TOX: variants seen among roughly 807,000 people sequenced by gnomAD.
The protein encoded by TOX is thymocyte selection associated high mobility group box.
TOX carries 11 observed loss-of-function variants against 53.7 expected under a neutral mutation model. The ratio of observed to expected loss-of-function variants is 0.20; its 90% confidence interval spans 0.13 to 0.34. The LOEUF is 0.34. Ranked by LOEUF, TOX falls within the 10% of genes least tolerant of loss-of-function variation. The pLI is 1.00. For synonymous variants in TOX, 225 were observed against 245.3 expected (o/e 0.92, Z 0.77); for missense variants, 570 against 664.6 (o/e 0.86, Z 1.56).
intron 1 of TOX, among the ~76,000 whole-genome samples, chr8:58,970,885 A>C (rs1216716702): frequency 6.6e-6 from 1 of 152,206 alleles, no homozygotes; most frequent in African/African-American, 2.4e-5. Flanking sequence ...TTCATTTCTA[A>C]ATCAAAGTCT....
Position 58,912,736 on chromosome 8 carries a change from T to A in TOX, c.411+26566A>T, listed in dbSNP as rs760468055. Among the ~76,000 whole-genome samples the A allele has an allele frequency of 4.1e-4, 63 of 152,176 alleles. 1 individual carries two copies. Among genetic ancestry groups the A allele is most frequent in the Non-Finnish European group, 8.5e-4 (58 of 68,024 alleles). Reference sequence around the variant, plus strand: ...TCTAGACCCAGTGGTGCACATGGCATGGGAATACATCACTTCTCTCTGACT... The same window carrying A: ...TCTAGACCCAGTGGTGCACATGGCAAGGGAATACATCACTTCTCTCTGACT... On this transcript the variant is annotated intron_variant, in intron 3 of 8. Transcript: ENST00000361421.
At chr8:58,853,985 C>G (rs1810868554) in intron 3 of TOX, among the ~76,000 whole-genome samples, 1 of 152,188 alleles carries the variant, frequency 6.6e-6, no homozygotes, top group African/African-American at 2.4e-5. Context: ...AGACCCTTAG[C>G]ATGCAGAAAA....
chr8:58,889,418 G>T (rs1275682750), intron 3 of TOX, among the ~76,000 whole-genome samples: 1 of 151,934 alleles, frequency 6.6e-6, no homozygotes, highest in East Asian at 1.9e-4. Context: ...AAAAAGTCAG[G>T]GTTAGGGGAG....
At chr8:58,869,316 C>T (rs1811159258) in intron 3 of TOX, among the ~76,000 whole-genome samples, 1 of 151,708 alleles carries the variant, frequency 6.6e-6, no homozygotes, top group South Asian at 2.1e-4. Context: ...GGAACAATTC[C>T]TTAAAATTCA....
At chr8:58,861,790 C>T (rs1290643816) in intron 3 of TOX, among the ~76,000 whole-genome samples, 1 of 152,128 alleles carries the variant, frequency 6.6e-6, no homozygotes, top group African/African-American at 2.4e-5. Flanking sequence ...GTTGCTTTCT[C>T]ATATTTTTCC....
intron 1 of TOX, among the ~76,000 whole-genome samples, chr8:59,116,411 C>T (rs1563451541): frequency 6.6e-6 from 1 of 152,170 alleles, no homozygotes; most frequent in Non-Finnish European, 1.5e-5. Context: ...AACTTCTGTC[C>T]TTCTTCCATT....
At chr8:58,866,603 A>C (rs1447646163) in intron 3 of TOX, among the ~76,000 whole-genome samples, 1 of 152,236 alleles carries the variant, frequency 6.6e-6, no homozygotes, top group African/African-American at 2.4e-5. Context: ...CTCCTGAAAA[A>C]AATGTTAATT....
intron 1 of TOX, among the ~76,000 whole-genome samples, chr8:59,018,630 C>G (rs545354026): frequency 2.0e-4 from 30 of 152,252 alleles, no homozygotes; most frequent in Non-Finnish European, 3.7e-4. Flanking sequence ...ATTTTACTCT[C>G]TGGGGTGTTC....
intron 1 of TOX, among the ~76,000 whole-genome samples, chr8:59,050,235 A>G (rs2129421250): frequency 6.6e-6 from 1 of 152,276 alleles, no homozygotes; most frequent in African/African-American, 2.4e-5. Flanking sequence ...GTGCACAAGG[A>G]AAGCAGATAC....
At chr8:59,036,482 T>C (rs1371650850) in intron 1 of TOX, among the ~76,000 whole-genome samples, 1 of 152,180 alleles carries the variant, frequency 6.6e-6, no homozygotes, top group Non-Finnish European at 1.5e-5. Flanking sequence ...CTTTTGAATT[T>C]TTAACAATTT....
intron 1 of TOX, among the ~76,000 whole-genome samples, chr8:59,012,906 T>G (rs1478231038): frequency 6.6e-6 from 1 of 150,716 alleles, no homozygotes; most frequent in African/African-American, 2.4e-5. Flanking sequence ...CCCACCCACA[T>G]TTGTTCCCAT....
intron 1 of TOX, among the ~76,000 whole-genome samples, chr8:59,011,149 T>A (rs2129418719): frequency 6.6e-6 from 1 of 152,332 alleles, no homozygotes. Context: ...ACATAATTTA[T>A]CTAAAGAACA....
chr8:58,959,864 T>A, intron 2 of TOX, 79 bp downstream of exon 2: 1 of 1,392,390 alleles, frequency 7.2e-7, no homozygotes, highest in Non-Finnish European at 1.0e-6. Flanking sequence ...TTACTGATAG[T>A]GCTACTCATT....
At chr8:59,095,900 C>T (rs755997047) in intron 1 of TOX, among the ~76,000 whole-genome samples, 1 of 152,114 alleles carries the variant, frequency 6.6e-6, no homozygotes, top group Non-Finnish European at 1.5e-5. Flanking sequence ...GTATTTGAAT[C>T]AGTCATTCAT....
intron 1 of TOX, among the ~76,000 whole-genome samples, chr8:59,113,855 G>A (rs753173974): frequency 1.2e-4 from 18 of 152,104 alleles, no homozygotes; most frequent in Non-Finnish European, 2.2e-4. Context: ...AGAAACACCC[G>A]CAGGGTCTTT....
At position 58,953,068 on chromosome 8, in the gene TOX, A is replaced by G. The variant is rs182287526; in HGVS notation, c.168+6875T>C. On this transcript the variant is annotated intron_variant, in intron 2 of 8. Coordinates refer to ENST00000361421, the MANE Select transcript of TOX (RefSeq NM_014729.3). The stretch of plus-strand genomic sequence containing the variant: ...ATTTACTTTTTTTTTAGGAATTCAT[A>G]TTTTCATGTAGATGATCATTTTAGC... Among the ~76,000 whole-genome samples, 523 of 152,148 alleles carry G rather than the reference A, an allele frequency of 3.4e-3. 3 individuals carry two copies. Among genetic ancestry groups the G allele is most frequent in the African/African-American group, 0.012 (494 of 41,534 alleles).
chr8:58,985,345 T>G (rs902889600), intron 1 of TOX, among the ~76,000 whole-genome samples: 13 of 152,114 alleles, frequency 8.5e-5, no homozygotes, highest in Non-Finnish European at 1.9e-4. Flanking sequence ...ACAACTTGGA[T>G]GAACCTTGAG....
chr8:59,062,669 C>T (rs1050433421), intron 1 of TOX, among the ~76,000 whole-genome samples: 3 of 152,132 alleles, frequency 2.0e-5, no homozygotes, highest in African/African-American at 4.8e-5. Context: ...GAGGTTGAAA[C>T]AACTAAAATT....
intron 1 of TOX, among the ~76,000 whole-genome samples, chr8:59,089,763 A>T (rs748971609): frequency 6.6e-6 from 1 of 152,118 alleles, no homozygotes; most frequent in African/African-American, 2.4e-5. Flanking sequence ...TAATTTTTTA[A>T]TTTGTAGAGA....
Sources: gnomAD v4.1 joint callset for allele counts (sites outside exome capture counted in the v4.1 genomes callset) on GRCh38, gnomAD v4.1.1 for gene constraint, MANE v1.5 for transcripts, NCBI Gene and HGNC (gene_info 2026-07-23, HGNC 2026-07-21) for gene names.